Variants in LRRC3B observed in about 807,000 individuals in gnomAD.
LRRC3B encodes leucine-rich repeat-containing protein 3B.
Under a neutral mutation model 12.8 loss-of-function variants are expected in LRRC3B, and 2 were observed. The observed-to-expected ratio is 0.16, with a 90% CI of 0.06 to 0.49. The LOEUF (loss-of-function observed/expected upper bound fraction) is 0.49. Ranked by LOEUF, LRRC3B falls within the 20% of genes least tolerant of loss-of-function variation. LRRC3B has a pLI of 0.96. For synonymous variants in LRRC3B, 132 were observed against 122.0 expected (o/e 1.08, Z -0.54); for missense variants, 189 against 319.4 (o/e 0.59, Z 3.11).
chr3:26,634,798 G>A (rs2125402879), intron 1 of LRRC3B, among the ~76,000 whole-genome samples: 1 of 152,276 alleles, frequency 6.6e-6, no homozygotes, highest in East Asian at 1.9e-4. Flanking sequence ...TTGAGGGGCT[G>A]AGCTTGGTGG....
At chr3:26,693,407 C>A (rs1700235467) in intron 1 of LRRC3B, among the ~76,000 whole-genome samples, 1 of 151,018 alleles carries the variant, frequency 6.6e-6, no homozygotes, top group Non-Finnish European at 1.5e-5. Context: ...TCAGAACTGG[C>A]ATAGTGTCAC....
At chr3:26,635,945 A>T (rs1055368279) in intron 1 of LRRC3B, among the ~76,000 whole-genome samples, 1 of 152,236 alleles carries the variant, frequency 6.6e-6, no homozygotes, top group Admixed American at 6.5e-5. Context: ...GTTTGAGATT[A>T]AGAAAAAATA....
At chr3:26,634,423 A>C (rs1328910515) in intron 1 of LRRC3B, among the ~76,000 whole-genome samples, 1 of 152,190 alleles carries the variant, frequency 6.6e-6, no homozygotes, top group Non-Finnish European at 1.5e-5. Flanking sequence ...GGGGAAGAAA[A>C]ACGTAGGTGT....
At chr3:26,705,850 G>A (rs912884020) in intron 1 of LRRC3B, among the ~76,000 whole-genome samples, 2 of 152,130 alleles carry the variant, frequency 1.3e-5, no homozygotes, top group African/African-American at 4.8e-5. Flanking sequence ...GTAATATAAA[G>A]CAATGTCAAA....
rs137883635 is a variant in LRRC3B, at chr3:26,644,919, A to G, written c.-161+21682A>G. On this transcript the variant is annotated intron_variant, in intron 1 of 1. Coordinates refer to ENST00000396641, the Ensembl canonical transcript of LRRC3B. ...ACACATATAATGCCCATATATACAC[A>G]GGTAATATACAAATATACACATATA... is the stretch of plus-strand genomic sequence containing the variant. 4.5e-3 allele frequency among the ~76,000 whole-genome samples: 685 copies of G among 152,332 alleles called. 3 individuals are homozygous for G. The highest frequency in any genetic ancestry group is 0.015 in the African/African-American group (638 of 41,582).
chr3:26,706,225 T>A (rs1305382458), intron 1 of LRRC3B, among the ~76,000 whole-genome samples: 1 of 152,000 alleles, frequency 6.6e-6, no homozygotes, highest in Non-Finnish European at 1.5e-5. Flanking sequence ...CCTAATCACT[T>A]CTCAAAGGCC....
intron 1 of LRRC3B, among the ~76,000 whole-genome samples, chr3:26,634,965 T>C (rs1698835246): frequency 6.6e-6 from 1 of 152,204 alleles, no homozygotes; most frequent in African/African-American, 2.4e-5. Context: ...TTTATTTGTT[T>C]TGTTGTATTG....
intron 1 of LRRC3B, among the ~76,000 whole-genome samples, chr3:26,683,400 T>C (rs188136012): frequency 5.0e-4 from 75 of 151,214 alleles, no homozygotes; most frequent in Admixed American, 4.6e-3. Context: ...TGTAGCATCA[T>C]ATTTCTTTGG....
chr3:26,630,387 A>G (rs988571264), intron 1 of LRRC3B, among the ~76,000 whole-genome samples: 2 of 152,228 alleles, frequency 1.3e-5, no homozygotes, highest in African/African-American at 4.8e-5. Flanking sequence ...AATATAATAC[A>G]TAAGATTATA....
intron 1 of LRRC3B, among the ~76,000 whole-genome samples, chr3:26,677,975 T>C (rs1699895529): frequency 6.6e-6 from 1 of 151,996 alleles, no homozygotes; most frequent in Non-Finnish European, 1.5e-5. Flanking sequence ...AATTTTTGTA[T>C]TTTTCTTCTT....
At chr3:26,682,157 T>C (rs1236767532) in intron 1 of LRRC3B, among the ~76,000 whole-genome samples, 2 of 152,176 alleles carry the variant, frequency 1.3e-5, no homozygotes, top group African/African-American at 4.8e-5. Flanking sequence ...ACCGAAACCA[T>C]GGAGAGCAAA....
chr3:26,691,105 GTATATATATATATA>G (rs1553605090), intron 1 of LRRC3B, among the ~76,000 whole-genome samples: 9 of 84,832 alleles, frequency 1.1e-4, no homozygotes, highest in South Asian at 4.9e-4. Context: ...GTGTGTGTGT[GTATATATATATATA>G]TATATATATA....
At chr3:26,636,046 A>G (rs1002295920) in intron 1 of LRRC3B, among the ~76,000 whole-genome samples, 5 of 152,198 alleles carry the variant, frequency 3.3e-5, no homozygotes, top group Non-Finnish European at 7.3e-5. Context: ...CCACGGTGAT[A>G]TAATGATACA....
chr3:26,694,387 CAGAA>C (rs1349906334), intron 1 of LRRC3B, among the ~76,000 whole-genome samples: 12 of 152,118 alleles, frequency 7.9e-5, no homozygotes, highest in Admixed American at 5.9e-4. Context: ...TTGTGAGTCT[CAGAA>C]AGAGTGTTTT....
At chr3:26,672,314 C>G (rs1699765622) in intron 1 of LRRC3B, among the ~76,000 whole-genome samples, 1 of 152,190 alleles carries the variant, frequency 6.6e-6, no homozygotes, top group Non-Finnish European at 1.5e-5. Context: ...AGGCCATACA[C>G]TTTTGCCAGC....
chr3:26,643,610 G>A (rs17018450), intron 1 of LRRC3B, among the ~76,000 whole-genome samples: 25,502 of 152,082 alleles, frequency 0.17, 2,352 homozygotes, highest in South Asian at 0.24. Flanking sequence ...ATTCTGTGAT[G>A]CAATGTGCCT....
intron 1 of LRRC3B, among the ~76,000 whole-genome samples, chr3:26,638,256 TA>T (rs570842930): frequency 6.6e-6 from 1 of 151,952 alleles, no homozygotes; most frequent in East Asian, 1.9e-4. Context: ...TGTCATGATA[TA>T]AAAAAAATTT....
chr3:26,624,611 G>A (rs1364469691), intron 1 of LRRC3B: 1 of 152,774 alleles, frequency 6.5e-6, no homozygotes, highest in Non-Finnish European at 1.5e-5. Flanking sequence ...AGGGAGTGGG[G>A]GGAGCCCTGT....
At chr3:26,708,632 C>T (rs148472715) in intron 1 of LRRC3B, among the ~76,000 whole-genome samples, 20 of 152,250 alleles carry the variant, frequency 1.3e-4, no homozygotes, top group Admixed American at 9.2e-4. Flanking sequence ...TCTCTGCTGT[C>T]GAGTAAGTTT....
Sources: allele counts gnomAD v4.1 joint callset (sites outside exome capture counted in the v4.1 genomes callset), GRCh38; gene constraint gnomAD v4.1.1; transcripts MANE v1.5; gene names NCBI Gene and HGNC (gene_info 2026-07-23, HGNC 2026-07-21).